The following EPHA2 variants were observed in gnomAD, a reference collection of about 807,000 sequenced individuals.
EPHA2 encodes the protein EPH receptor A2, also known as ephrin type-A receptor 2.
EPHA2 carries 54 observed loss-of-function variants against 104.9 expected under a neutral mutation model. That is an observed-to-expected ratio of 0.51 (90% confidence interval 0.41 to 0.65). The LOEUF (loss-of-function observed/expected upper bound fraction) is 0.65. EPHA2 is among the 30% of genes least tolerant of loss of function. EPHA2 has a pLI of 0.00. For synonymous variants in EPHA2, 560 were observed against 559.1 expected, an observed-to-expected ratio of 1.00 and a Z score of -0.02; for missense variants, 1,117 against 1,369.5, an observed-to-expected ratio of 0.82 and a Z score of 2.91.
chr1:16,148,907 G>C lies in EPHA2; in HGVS notation c.294C>G (p.Leu98=), dbSNP rs2124263934. ...RGEAERIFIE[L]KFTVRDCNSF... ...TGTTGCAGTCACGTACAGTAAACTTGAGCTCAATGAAGATACGCTCAGCCT... is the reference window on the plus strand; with the variant it reads ...TGTTGCAGTCACGTACAGTAAACTTCAGCTCAATGAAGATACGCTCAGCCT... Residue 98 remains leucine, a synonymous_variant, in exon 3 of 17, where the codon CTC becomes CTG. Coordinates refer to ENST00000358432, the MANE Select transcript of EPHA2 (RefSeq NM_004431.5). The surrounding 1 kb of genome is among the most constrained non-coding windows in gnomAD (Gnocchi z 4.9). 1 of 1,614,150 alleles carries C rather than the reference G, an allele frequency of 6.2e-7. No individual in the cohort carries two copies. The highest frequency in any genetic ancestry group is 1.1e-5 in the South Asian group (1 of 91,088).
rs2124226491 is a variant in EPHA2, at chr1:16,138,011, T to G, written c.1154A>C (p.Tyr385Ser). The G allele has an allele frequency of 1.2e-6, 2 of 1,613,874 alleles. No homozygotes were observed. The highest frequency in any genetic ancestry group is 1.7e-6 in the Non-Finnish European group (2 of 1,179,990). The change falls in exon 5 of 17, where the codon TAC becomes TCC. Residue 385 changes from tyrosine to serine, a missense_variant. By Grantham distance (144) the Tyr-to-Ser change is moderately radical. This residue lies in a region of EPHA2 where 664 missense variants were observed against 784.8 expected (regional missense o/e 0.85). Transcript: ENST00000358432. ...GGTCAGTCCGTGAGGAGGCTCCGAG[T>G]AGCGCACACTGGCCTCACACGGCCC... ...ECGPCEASVR[Y>S]SEPPHGLTRT...
Position 16,150,897 on chromosome 1 carries a change from C to T in EPHA2, c.152G>A (p.Gly51Glu). The change falls in exon 2 of 17, where the codon GGG (glycine) becomes GAG (glutamate). Residue 51 changes from glycine (G) to glutamate (E), a missense_variant and splice_region_variant. Gly to Glu is a moderately conservative substitution (Grantham distance 98). Coordinates refer to ENST00000358432, the MANE Select transcript of EPHA2 (RefSeq NM_004431.5). This position sits in a 1 kb window ranked among gnomAD's most constrained non-coding sequence, Gnocchi z 4.8. Reference protein sequence around the residue: ...LGWLTHPYGKGWDLMQNIMND... With the variant: ...LGWLTHPYGKEWDLMQNIMND... ...TCCCCACCCCGAAGGCTTACATACC[C>T]CTTTGCCATACGGGTGTGTGAGCCA... 3 of 1,614,146 alleles carry T rather than the reference C, an allele frequency of 1.9e-6. No homozygotes were observed. The Admixed American group carries it at 5.0e-5, about 27-fold the overall frequency.
chr1:16,138,398 A>G lies in EPHA2; in HGVS notation c.856T>C (p.Ser286Pro). The G allele has an allele frequency of 6.2e-7, 1 of 1,613,802 alleles. No homozygotes were observed. The highest frequency in any genetic ancestry group is 8.5e-7 in the Non-Finnish European group (1 of 1,179,992). ...CSPGFFKFEASESPCLECPEH... is the reference protein window; with the variant it reads ...CSPGFFKFEAPESPCLECPEH... ...GGGCACTCCAAGCAGGGGCTCTCAGATGCCTCAAACTTAAAAAATCCAGGC... is the reference window on the plus strand; with the variant it reads ...GGGCACTCCAAGCAGGGGCTCTCAGGTGCCTCAAACTTAAAAAATCCAGGC... The change falls in exon 4 of 17, where the codon TCT becomes CCT. Residue 286 changes from serine (S) to proline (P), a missense_variant. Around this residue, in one of 3 missense-constraint regions of EPHA2, gnomAD observed 664 missense variants for 784.8 expected, o/e 0.85. Transcript: ENST00000358432.
In EPHA2 at chr1:16,128,342, T is replaced by A. The variant is rs374477209; in HGVS notation, c.2825+1092A>T. On this transcript the variant is annotated intron_variant, in intron 16 of 16. Coordinates refer to ENST00000358432, the MANE Select transcript of EPHA2 (RefSeq NM_004431.5). The surrounding 1 kb of genome is among the most constrained non-coding windows in gnomAD (Gnocchi z 4.7). ...TGTCCCCGCCTCCCCTCTGGTCGGC[T>A]CTGTTCCTGCCTGCTTCCCATCACC... is the stretch of plus-strand genomic sequence containing the variant. 6.6e-6 allele frequency among the ~76,000 whole-genome samples: 1 copy of A among 152,200 alleles called. No individual in the cohort carries two copies. Among genetic ancestry groups the A allele is most frequent in the Non-Finnish European group, 1.5e-5 (1 of 68,032 alleles).
chr1:16,146,336 C>T (rs1052367408), intron 3 of EPHA2: 1 of 152,220 alleles, frequency 6.6e-6, no homozygotes, highest in African/African-American at 2.4e-5. Context: ...CCTGACCCCC[C>T]ACCTCTAGAG....
At position 16,135,204 on chromosome 1, in the gene EPHA2, C is replaced by A. The variant is rs749712956; in HGVS notation, c.1429-15G>T. 6.2e-7 allele frequency: 1 copy of A among 1,613,186 alleles called. No homozygotes were observed. Among genetic ancestry groups the A allele is most frequent in the South Asian group, 1.1e-5 (1 of 91,064 alleles). ...TTGGAGTCTCCCTGTGGGTGGGTGG[C>A]CGGCGGAGGAGCAGGCAGTGAGGGC... On this transcript the variant is annotated splice_polypyrimidine_tract_variant and intron_variant, in intron 6 of 16. Transcript: ENST00000358432. The surrounding 1 kb of genome is among the most constrained non-coding windows in gnomAD (Gnocchi z 4.3).
chr1:16,132,379 C>T lies in EPHA2; in HGVS notation c.2114G>A (p.Arg705Gln), dbSNP rs749155445. The T allele has an allele frequency of 4.1e-5, 66 of 1,614,022 alleles. No individual in the cohort carries two copies. The highest frequency in any genetic ancestry group is 2.2e-4 in the Admixed American group (13 of 60,008). The change falls in exon 12 of 17, where the codon CGG (arginine) becomes CAG (glutamine). Residue 705 changes from arginine to glutamine, a missense_variant and splice_region_variant. Transcript: ENST00000358432. ...MENGALDKFL[R>Q]EKDGEFSVLQ... is the part of the protein sequence containing the mutation. ...GCCCCCTACAACCCACATCCTTACC[C>T]GAAGGAACTTGTCCAGGGCCCCATT...
chr1:16,137,950 G>T lies in EPHA2; in HGVS notation c.1215C>A (p.His405Gln). Reference protein sequence around the residue: ...TSVTVSDLEPHMNYTFTVEAR... With the variant: ...TSVTVSDLEPQMNYTFTVEAR... Reference sequence around the variant, plus strand: ...CCTCCACGGTGAAGGTGTAGTTCATGTGGGGCTCCAGGTCGCTCACTGTCA... The same window carrying T: ...CCTCCACGGTGAAGGTGTAGTTCATTTGGGGCTCCAGGTCGCTCACTGTCA... The change falls in exon 5 of 17, where the codon CAC becomes CAA. Residue 405 changes from histidine (H) to glutamine (Q), a missense_variant. Around this residue, in one of 3 missense-constraint regions of EPHA2, gnomAD observed 664 missense variants for 784.8 expected, o/e 0.85. Coordinates refer to ENST00000358432, the MANE Select transcript of EPHA2 (RefSeq NM_004431.5). 1 of 1,614,186 alleles carries T rather than the reference G, an allele frequency of 6.2e-7. No homozygotes were observed. Among genetic ancestry groups the T allele is most frequent in the East Asian group, 2.2e-5 (1 of 44,888 alleles).
intron 1 of EPHA2, chr1:16,153,305 C>T (rs928976125): frequency 1.0e-6 from 1 of 985,440 alleles, no homozygotes. Context: ...CCGCTTCCCC[C>T]ATTCCTCTCT....
intron 16 of EPHA2, among the ~76,000 whole-genome samples, chr1:16,127,693 G>A (rs962115982): frequency 6.6e-5 from 10 of 152,214 alleles, no homozygotes; most frequent in Non-Finnish European, 1.3e-4. Context: ...AGAGGGGAAG[G>A]AGGAGGCATG....
chr1:16,134,450 G>T lies in EPHA2; in HGVS notation c.1682+18C>A. ...CCACCCAAGCCCATGTGGAGCCAGG[G>T]TATGGGCTCTGACGAACCTGCGGTG... On this transcript the variant is annotated intron_variant, in intron 8 of 16. Coordinates refer to ENST00000358432, the MANE Select transcript of EPHA2 (RefSeq NM_004431.5). The surrounding 1 kb of genome is among the most constrained non-coding windows in gnomAD (Gnocchi z 4.5). 1 of 1,612,732 alleles carries T rather than the reference G, an allele frequency of 6.2e-7. No homozygotes were observed. Among genetic ancestry groups the T allele is most frequent in the Non-Finnish European group, 8.5e-7 (1 of 1,178,852 alleles).
intron 3 of EPHA2, among the ~76,000 whole-genome samples, chr1:16,144,741 C>T (rs1282442569): frequency 6.6e-6 from 1 of 152,220 alleles, no homozygotes; most frequent in African/African-American, 2.4e-5. Flanking sequence ...CTGCTAAGGT[C>T]ATACAGCCTG....
At position 16,134,371 on chromosome 1, in the gene EPHA2, A is replaced by G; in HGVS notation, c.1682+97T>C. On this transcript the variant is annotated intron_variant, in intron 8 of 16. Coordinates refer to ENST00000358432, the MANE Select transcript of EPHA2 (RefSeq NM_004431.5). The surrounding 1 kb of genome is among the most constrained non-coding windows in gnomAD (Gnocchi z 4.5). ...GAGGCAGGGATTAGACTCGACTAGC[A>G]TCCTGTGGGCCCCATCGTTCAGATG... 7.8e-7 allele frequency: 1 copy of G among 1,286,150 alleles called. No homozygotes were observed. Among genetic ancestry groups the G allele is most frequent in the South Asian group, 1.2e-5 (1 of 80,140 alleles). The allele number at this position is 1,286,150 out of a possible 1,614,324, so 79.7% of individuals were successfully genotyped here.
rs768403185 is a variant in EPHA2, at chr1:16,132,253, G to A, written c.2136C>T (p.Ser712=). ...GCAGCATGCCCACCAGCTGCAGCAC[G>A]CTGAACTCGCCATCCTTCTCCTGCC... is the stretch of plus-strand genomic sequence containing the variant. ...KFLREKDGEF[S]VLQLVGMLRG... is the part of the protein sequence containing the mutation. Residue 712 remains serine, a synonymous_variant, in exon 13 of 17, where the codon AGC becomes AGT. Transcript: ENST00000358432. 52 of 1,614,098 alleles carry A rather than the reference G, an allele frequency of 3.2e-5. 1 individual carries two copies. The highest frequency in any genetic ancestry group is 1.6e-4 in the South Asian group (15 of 91,088).
chr1:16,138,490 G>A (rs1054966727), intron 3 of EPHA2, 60 bp from the exon 4 acceptor site: 55 of 1,609,486 alleles, frequency 3.4e-5, no homozygotes, highest in Non-Finnish European at 4.3e-5. Flanking sequence ...TCCACCCCAC[G>A]TGACTGTCTC....
In EPHA2 at chr1:16,132,088, G is replaced by A. The variant is rs755197719; in HGVS notation, c.2301C>T (p.Asp767=). 7 of 1,613,964 alleles carry A rather than the reference G, an allele frequency of 4.3e-6. No individual in the cohort carries two copies. In the East Asian group the frequency reaches 1.3e-4, roughly 31 times the overall value. The change falls in exon 13 of 17, where the codon GAC becomes GAT. Residue 767 remains aspartate, a synonymous_variant. Coordinates refer to ENST00000358432, the MANE Select transcript of EPHA2 (RefSeq NM_004431.5). ...CACTGGTGGTGTAGGTGGCCTCGGG[G>A]TCGTCCTCCAGCACGCGGGACAGGC... ...DFGLSRVLED[D]PEATYTTSGG...
intron 3 of EPHA2, among the ~76,000 whole-genome samples, chr1:16,138,841 C>T (rs954302601): frequency 1.3e-5 from 2 of 152,204 alleles, no homozygotes; most frequent in Admixed American, 1.3e-4. Context: ...CGGTCCCCAC[C>T]TGGGTAGCTG....
chr1:16,143,180 A>ATGGC (rs754252864), intron 3 of EPHA2, among the ~76,000 whole-genome samples: 27 of 146,012 alleles, frequency 1.8e-4, no homozygotes, highest in Admixed American at 4.1e-4. Context: ...GGATGGATGG[A>ATGGC]TGGATGGATG....
Position 16,148,246 on chromosome 1 carries a change from A to G in EPHA2, c.823+132T>C. The G allele has an allele frequency of 8.6e-7, 1 of 1,158,812 alleles. No individual in the cohort carries two copies. Among genetic ancestry groups the G allele is most frequent in the East Asian group, 2.4e-5 (1 of 42,152 alleles). The allele number at this position is 1,158,812 out of a possible 1,614,324, so 71.8% of individuals were successfully genotyped here. A position where few individuals can be genotyped will look rare whatever the true frequency, so the allele number is the denominator to read the frequency against. On this transcript the variant is annotated intron_variant, in intron 3 of 16. Transcript: ENST00000358432. This position sits in a 1 kb window ranked among gnomAD's most constrained non-coding sequence, Gnocchi z 4.9. The stretch of plus-strand genomic sequence containing the variant: ...GGAAACTGATGTCTGGGAAGGATCT[A>G]TAATTTCCACTAACAGAACTAATGT...
Sources: gnomAD v4.1 joint callset for allele counts (sites outside exome capture counted in the v4.1 genomes callset) on GRCh38, gnomAD v4.1.1 for gene constraint, gnomAD v4.1.1 regional missense constraint, Gnocchi (gnomAD v3.1) non-coding constraint, MANE v1.5 for transcripts, NCBI Gene and HGNC (gene_info 2026-07-23, HGNC 2026-07-21) for gene names.